Variants in DMD observed in about 807,000 individuals in gnomAD.
DMD encodes mutant dystrophin.
Under a neutral mutation model 330.1 loss-of-function variants are expected in DMD, and 63 were observed. That is an observed-to-expected ratio of 0.19 (90% confidence interval 0.16 to 0.24). The LOEUF (loss-of-function observed/expected upper bound fraction) is 0.24. DMD is among the 10% of genes least tolerant of loss of function. The pLI, the probability that DMD is intolerant of heterozygous loss-of-function variation, is 1.00. For synonymous variants in DMD, 1,223 were observed against 959.8 expected (o/e 1.27, Z -5.07); for missense variants, 3,344 against 2,684.1 (o/e 1.25, Z -5.43).
At chrX:32,611,570 T>C (rs756606362) in intron 12 of DMD, among the ~76,000 whole-genome samples, 21 of 111,952 alleles carry the variant, frequency 1.9e-4, no homozygotes, top group African/African-American at 5.8e-4. Flanking sequence ...ACATTTCAGG[T>C]ACCTGGCAGA....
chrX:32,041,951 T>C lies in DMD; in HGVS notation c.6439-73437A>G, dbSNP rs1173195368. ...GTACTTGGAGCTAGTTTTATTTCTA[T>C]TTAGGCTATTACTCTCTCTTTCTCC... is the stretch of plus-strand genomic sequence containing the variant. On this transcript the variant is annotated intron_variant, in intron 44 of 78. Coordinates refer to ENST00000357033, the MANE Select transcript of DMD (RefSeq NM_004006.3). Among the ~76,000 whole-genome samples the C allele has an allele frequency of 4.0e-5, 4 of 100,306 alleles. No homozygotes were observed. The East Asian group carries it at 1.3e-3, about 32-fold the overall frequency. The allele number at this position is 100,306 out of a possible 115,157, so 87.1% of individuals were successfully genotyped here.
intron 60 of DMD, among the ~76,000 whole-genome samples, chrX:31,373,400 C>G (rs1460571578): frequency 4.6e-4 from 44 of 95,468 alleles, no homozygotes; most frequent in African/African-American, 1.5e-3. Context: ...GGAGGCATCA[C>G]GCTACCTGAC....
intron 21 of DMD, among the ~76,000 whole-genome samples, chrX:32,474,568 G>A (rs1040415189): frequency 4.5e-5 from 5 of 111,761 alleles, no homozygotes; most frequent in African/African-American, 1.6e-4. Context: ...GCAAGAGTAA[G>A]GTGGTATCAC....
At chrX:31,686,405 T>C (rs190167135) in intron 52 of DMD, among the ~76,000 whole-genome samples, 1 of 112,466 alleles carries the variant, frequency 8.9e-6, no homozygotes, top group Non-Finnish European at 1.9e-5. Flanking sequence ...AATTTGAAAA[T>C]GGACTCAAGA....
At chrX:32,443,940 C>G (rs1327151295) in intron 27 of DMD, among the ~76,000 whole-genome samples, 2 of 111,172 alleles carry the variant, frequency 1.8e-5, no homozygotes. Context: ...ACAAAGGAAA[C>G]ATTTTTAATT....
chrX:32,702,165 G>A (rs1476117825), intron 7 of DMD, among the ~76,000 whole-genome samples: 1 of 112,089 alleles, frequency 8.9e-6, no homozygotes. Context: ...TTCTAATTTG[G>A]AATAAGAAAG....
At chrX:31,740,841 T>C (rs1286505718) in intron 51 of DMD, among the ~76,000 whole-genome samples, 1 of 112,042 alleles carries the variant, frequency 8.9e-6, no homozygotes, top group Non-Finnish European at 1.9e-5. Flanking sequence ...CTCTCCTTTA[T>C]AGCCAATGAT....
chrX:32,151,656 A>G lies in DMD; in HGVS notation c.6438+65260T>C, dbSNP rs747173351. On this transcript the variant is annotated intron_variant, in intron 44 of 78. Transcript: ENST00000357033. ...ACAGGTAGTTCCTGAACATTACTCC[A>G]AATCTACAGAGACCCTTATTGACAG... Among the ~76,000 whole-genome samples the G allele has an allele frequency of 1.1e-3, 122 of 111,873 alleles. 1 individual carries two copies. The highest frequency in any genetic ancestry group is 3.8e-3 in the African/African-American group (116 of 30,845).
intron 41 of DMD, among the ~76,000 whole-genome samples, chrX:32,322,328 G>A (rs2097621334): frequency 9.0e-6 from 1 of 111,325 alleles, no homozygotes; most frequent in African/African-American, 3.3e-5. Flanking sequence ...GGAGGCTGAG[G>A]TGAGAAGATT....
chrX:32,727,568 G>T (rs1337043049), intron 7 of DMD, among the ~76,000 whole-genome samples: 1 of 110,042 alleles, frequency 9.1e-6, no homozygotes, highest in African/African-American at 3.3e-5. Context: ...AATACTTGAC[G>T]TTCCTATGCT....
chrX:32,362,709 T>G (rs977758390), intron 37 of DMD, 79 bp downstream of exon 37: 7 of 1,102,614 alleles, frequency 6.3e-6, no homozygotes, highest in Non-Finnish European at 7.5e-6. Context: ...TGGGGTCTAC[T>G]TGCCCCTTTC....
rs758446981 is a variant in DMD at position 32,899,814 on chromosome X, CTGTG to C, written c.94-49998_94-49995del. 4.8e-3 allele frequency among the ~76,000 whole-genome samples: 535 copies of C among 111,506 alleles called. 2 individuals are homozygous for C. Among genetic ancestry groups the C allele is most frequent in the African/African-American group, 0.016 (488 of 30,770 alleles). On this transcript the variant is annotated intron_variant, in intron 2 of 78. Transcript: ENST00000357033. ...TAAATTTAAACATGTTTTTTAAACT[CTGTG>C]TGGTCCAAATATATTCTCAGTAAAG...
intron 60 of DMD, among the ~76,000 whole-genome samples, chrX:31,440,323 T>G (rs140847992): frequency 9.0e-4 from 97 of 107,225 alleles, no homozygotes; most frequent in African/African-American, 3.3e-3. Context: ...ATTTTTGTAT[T>G]TTTAGTAGTG....
chrX:31,995,783 TCAAACTGATCCAGTA>T (rs375048316), intron 44 of DMD, among the ~76,000 whole-genome samples: 49 of 112,233 alleles, frequency 4.4e-4, no homozygotes, highest in African/African-American at 1.6e-3. Context: ...AAGGTTAAAG[TCAAACTGATCCAGTA>T]CAACTTTGCA....
intron 44 of DMD, among the ~76,000 whole-genome samples, chrX:31,996,211 A>G (rs1011956088): frequency 8.9e-6 from 1 of 112,229 alleles, no homozygotes; most frequent in Non-Finnish European, 1.9e-5. Flanking sequence ...TCAACATGAC[A>G]TAAGTATGAA....
rs144310010 is a variant in DMD, at chrX:33,167,079, G to A, written c.31+44203C>T. Among the ~76,000 whole-genome samples the A allele has an allele frequency of 3.6e-3, 402 of 110,799 alleles. 1 individual carries two copies. Among genetic ancestry groups the A allele is most frequent in the Admixed American group, 6.0e-3 (62 of 10,304 alleles). ...TGAAATTGTCCCTGCTCTCCTATCA[G>A]GTATTGGTATTATTAAAAACTGACG... On this transcript the variant is annotated intron_variant, in intron 1 of 78. Coordinates refer to ENST00000357033, the MANE Select transcript of DMD (RefSeq NM_004006.3).
intron 51 of DMD, among the ~76,000 whole-genome samples, chrX:31,734,224 A>G (rs547905261): frequency 9.4e-6 from 1 of 106,886 alleles, no homozygotes; most frequent in Non-Finnish European, 1.9e-5. Context: ...TTATATATAT[A>G]TATTTTTTTT....
At chrX:32,403,893 G>A (rs956000719) in intron 30 of DMD, among the ~76,000 whole-genome samples, 2 of 111,540 alleles carry the variant, frequency 1.8e-5, no homozygotes, top group African/African-American at 6.5e-5. Context: ...CCCTTTGCAG[G>A]TTTCTGCTGT....
intron 7 of DMD, among the ~76,000 whole-genome samples, chrX:32,732,059 G>C (rs1171764586): frequency 1.8e-5 from 2 of 111,725 alleles, no homozygotes; most frequent in Non-Finnish European, 3.8e-5. Flanking sequence ...TTACAGAGAA[G>C]TGCTTAAAGG....
Sources: allele counts gnomAD v4.1 joint callset (sites outside exome capture counted in the v4.1 genomes callset), GRCh38; gene constraint gnomAD v4.1.1; transcripts MANE v1.5; gene names NCBI Gene and HGNC (gene_info 2026-07-23, HGNC 2026-07-21).